Variants in PTPRD observed in about 807,000 individuals in gnomAD.
PTPRD encodes receptor-type tyrosine-protein phosphatase delta.
In PTPRD, 34 loss-of-function variants were observed where a neutral mutation model predicts 214.5. That is an observed-to-expected ratio of 0.16 (90% CI 0.12 to 0.21). PTPRD has a LOEUF of 0.21. PTPRD is among the 10% of genes least tolerant of loss of function. PTPRD has a pLI of 1.00. For synonymous variants in PTPRD, 1,128 were observed against 845.7 expected, an observed-to-expected ratio of 1.33 and a Z score of -5.79; for missense variants, 2,545 against 2,398.7, an observed-to-expected ratio of 1.06 and a Z score of -1.27.
intron 8 of PTPRD, among the ~76,000 whole-genome samples, chr9:9,543,181 A>G (rs1312315686): frequency 6.6e-6 from 1 of 151,778 alleles, no homozygotes; most frequent in African/African-American, 2.4e-5. Flanking sequence ...CATTTTGTTG[A>G]GCAAAATAAA....
chr9:9,114,304 T>A (rs2099810067), intron 10 of PTPRD, among the ~76,000 whole-genome samples: 1 of 152,102 alleles, frequency 6.6e-6, no homozygotes, highest in African/African-American at 2.4e-5. Flanking sequence ...TCCTGTTATA[T>A]CTCCATAATG....
At chr9:8,495,467 C>A (rs1819715593) in intron 26 of PTPRD, among the ~76,000 whole-genome samples, 1 of 152,134 alleles carries the variant, frequency 6.6e-6, no homozygotes, top group South Asian at 2.1e-4. Context: ...TATCTGCCAC[C>A]TTTTTACTCT....
chr9:9,784,282 G>C (rs886801569), intron 5 of PTPRD, among the ~76,000 whole-genome samples: 2 of 151,950 alleles, frequency 1.3e-5, no homozygotes, highest in African/African-American at 4.8e-5. Flanking sequence ...TCATAAATCA[G>C]AGAAATACTT....
At chr9:9,394,038 C>T (rs912391101) in intron 9 of PTPRD, among the ~76,000 whole-genome samples, 1 of 152,084 alleles carries the variant, frequency 6.6e-6, no homozygotes, top group Non-Finnish European at 1.5e-5. Flanking sequence ...ATTTTTAAAC[C>T]ATACATACAC....
intron 37 of PTPRD, among the ~76,000 whole-genome samples, chr9:8,383,744 T>G (rs530396618): frequency 1.3e-5 from 2 of 152,306 alleles, no homozygotes; most frequent in South Asian, 4.1e-4. Context: ...CCAACATTTA[T>G]AACGCTAAGT....
intron 2 of PTPRD, among the ~76,000 whole-genome samples, chr9:10,531,877 T>C (rs186278213): frequency 2.6e-5 from 4 of 152,320 alleles, no homozygotes; most frequent in African/African-American, 9.6e-5. Context: ...ACTATAGTTA[T>C]TGTAAAGTGG....
chr9:8,576,631 C>CAAAAA (rs71317371), intron 14 of PTPRD, among the ~76,000 whole-genome samples: 2,333 of 115,838 alleles, frequency 0.02, 46 homozygotes, highest in South Asian at 0.06. Flanking sequence ...GCTAATGCAG[C>CAAAAA]AAAAAAAAAA....
intron 11 of PTPRD, among the ~76,000 whole-genome samples, chr9:8,977,694 G>GTTTTTTTTTTTTT (rs2099276130): frequency 6.7e-6 from 1 of 148,876 alleles, no homozygotes. Flanking sequence ...CTAGTCCTCA[G>GTTTTTTTTTTTTT]TTGTCCCTTT....
At chr9:8,989,800 A>G (rs1351130922) in intron 11 of PTPRD, among the ~76,000 whole-genome samples, 4 of 152,296 alleles carry the variant, frequency 2.6e-5, no homozygotes, top group African/African-American at 9.6e-5. Context: ...GCTCCTAAGA[A>G]TTAAGAGGCA....
At chr9:9,769,890 G>C (rs1044922280) in intron 5 of PTPRD, among the ~76,000 whole-genome samples, 6 of 152,018 alleles carry the variant, frequency 3.9e-5, no homozygotes, top group Non-Finnish European at 8.8e-5. Context: ...TTAGTTTTCT[G>C]AGAATGACGG....
At chr9:10,117,324 A>G (rs72694894) in intron 3 of PTPRD, among the ~76,000 whole-genome samples, 2,615 of 152,268 alleles carry the variant, frequency 0.017, 29 homozygotes, top group Non-Finnish European at 0.028. Context: ...TTCCTTTAGC[A>G]TACTTGTTAA....
intron 5 of PTPRD, among the ~76,000 whole-genome samples, chr9:9,883,421 T>C (rs2069537989): frequency 6.6e-6 from 1 of 151,984 alleles, no homozygotes; most frequent in Admixed American, 6.6e-5. Flanking sequence ...GAATAGAGAA[T>C]AAGGTGTGAA....
chr9:8,440,609 G>A (rs542261438), intron 34 of PTPRD, among the ~76,000 whole-genome samples: 5 of 152,196 alleles, frequency 3.3e-5, no homozygotes, highest in Non-Finnish European at 7.3e-5. Context: ...CGCTGCGCCC[G>A]ACCCATAAAT....
intron 5 of PTPRD, among the ~76,000 whole-genome samples, chr9:9,797,453 A>G (rs1379498772): frequency 6.6e-6 from 1 of 152,136 alleles, no homozygotes; most frequent in Non-Finnish European, 1.5e-5. Context: ...GAAAATAAGG[A>G]AAACATCAAA....
At chr9:9,261,808 C>T (rs2099980252) in intron 9 of PTPRD, among the ~76,000 whole-genome samples, 1 of 151,724 alleles carries the variant, frequency 6.6e-6, no homozygotes, top group South Asian at 2.1e-4. Context: ...TTCGTTATTT[C>T]ACTAAATTTC....
At chr9:9,131,930 A>T (rs1161914992) in intron 10 of PTPRD, among the ~76,000 whole-genome samples, 1 of 152,010 alleles carries the variant, frequency 6.6e-6, no homozygotes, top group Non-Finnish European at 1.5e-5. Flanking sequence ...TTAAAGACAG[A>T]TGTACTATTT....
At chr9:9,143,522 A>G (rs1032837893) in intron 10 of PTPRD, among the ~76,000 whole-genome samples, 3 of 152,164 alleles carry the variant, frequency 2.0e-5, no homozygotes, top group African/African-American at 7.2e-5. Context: ...TATTGATGAA[A>G]ATCATTGATG....
chr9:9,893,609 T>G (rs1225702904), intron 5 of PTPRD, among the ~76,000 whole-genome samples: 1 of 152,182 alleles, frequency 6.6e-6, no homozygotes, highest in African/African-American at 2.4e-5. Context: ...AAGCTTCTTT[T>G]GTTGTTTTGA....
chr9:10,416,217 G>A (rs1213402416), intron 2 of PTPRD, among the ~76,000 whole-genome samples: 1 of 151,674 alleles, frequency 6.6e-6, no homozygotes, highest in Admixed American at 6.6e-5. Flanking sequence ...AATTAGCCAG[G>A]CATGGTGGCA....
Sources: gnomAD v4.1 joint callset for allele counts (sites outside exome capture counted in the v4.1 genomes callset) on GRCh38, gnomAD v4.1.1 for gene constraint, MANE v1.5 for transcripts, NCBI Gene and HGNC (gene_info 2026-07-23, HGNC 2026-07-21) for gene names.